MAPKAP1: variants seen among roughly 807,000 people sequenced by gnomAD.
MAPKAP1 encodes the protein target of rapamycin complex 2 subunit MAPKAP1.
Under a neutral mutation model 65.7 loss-of-function variants are expected in MAPKAP1, and 20 were observed. That is an observed-to-expected ratio of 0.30 (90% confidence interval 0.21 to 0.44). MAPKAP1 has a LOEUF of 0.44. Among genes scored for constraint, MAPKAP1 ranks in the 20% least tolerant of loss-of-function variants. The probability of loss-of-function intolerance (pLI) is 1.00; values close to 1 mark genes in which losing one functional copy is unlikely to be tolerated. For synonymous variants in MAPKAP1, 222 were observed against 244.3 expected, an observed-to-expected ratio of 0.91 and a Z score of 0.85; for missense variants, 423 against 648.0, an observed-to-expected ratio of 0.65 and a Z score of 3.77.
intron 7 of MAPKAP1, among the ~76,000 whole-genome samples, chr9:125,518,971 A>G (rs1829541673): frequency 6.6e-6 from 1 of 152,210 alleles, no homozygotes; most frequent in African/African-American, 2.4e-5. Flanking sequence ...TTCCTATCAC[A>G]TTTGGGTTTT....
Position 125,595,539 on chromosome 9 carries a change from A to G in MAPKAP1, c.499-9812T>C, listed in dbSNP as rs1832098678. 1 of 1,147,264 alleles carries G rather than the reference A, an allele frequency of 8.7e-7. No individual in the cohort carries two copies. The highest frequency in any genetic ancestry group is 1.1e-6 in the Non-Finnish European group (1 of 928,740). 71.1% of individuals were successfully genotyped at this position (1,147,264 alleles called of 1,614,324 possible). A position where few individuals can be genotyped will look rare whatever the true frequency, so the allele number is the denominator to read the frequency against. On this transcript the variant is annotated intron_variant, in intron 4 of 11. Transcript: ENST00000265960. This position sits in a 1 kb window ranked among gnomAD's most constrained non-coding sequence, Gnocchi z 4.0. ...TAGTTTCCAAAGTAGGAGAAGCAAT[A>G]AGAATACAGATGGGATTCAGTTCAA...
At chr9:125,453,621 C>T (rs2132949873) in intron 10 of MAPKAP1, among the ~76,000 whole-genome samples, 1 of 152,154 alleles carries the variant, frequency 6.6e-6, no homozygotes, top group Admixed American at 6.5e-5. Context: ...GAATATAAAC[C>T]TCATTAATAA....
Position 125,503,926 on chromosome 9 carries a change from G to A in MAPKAP1, c.1066+2384C>T, listed in dbSNP as rs548085709. Among the ~76,000 whole-genome samples, 160 of 122,646 alleles carry A rather than the reference G, an allele frequency of 1.3e-3. 1 individual carries two copies. The highest frequency in any genetic ancestry group is 0.01 in the Middle Eastern group (2 of 192). 80.5% of individuals were successfully genotyped at this position (122,646 alleles called of 152,430 possible). ...TTTTTTTTGTATTTTTGGTAGAGAC[G>A]GGGGTTTGCCATGTTGGCCAGGCTG... is the stretch of plus-strand genomic sequence containing the variant. On this transcript the variant is annotated intron_variant, in intron 8 of 11. Transcript: ENST00000265960.
intron 4 of MAPKAP1, among the ~76,000 whole-genome samples, chr9:125,642,716 T>G (rs915746397): frequency 2.0e-5 from 3 of 152,160 alleles, no homozygotes; most frequent in Admixed American, 6.5e-5. Flanking sequence ...ACGCTGCATT[T>G]TCTTTAATGT....
chr9:125,679,429 C>T (rs1330412155), intron 1 of MAPKAP1, among the ~76,000 whole-genome samples: 2 of 152,058 alleles, frequency 1.3e-5, no homozygotes, highest in South Asian at 4.2e-4. Context: ...CCCTTAGCTC[C>T]CCTCCACTAA....
rs139643101 is a variant in MAPKAP1 at position 125,484,456 on chromosome 9, G to C, written c.1194C>G (p.Thr398=). ...TCACACACTTACCTAGCTGTACGTC[G>C]GTTGTGAATCGCAGTCTGTGGATCA... is the stretch of plus-strand genomic sequence containing the variant. The part of the protein sequence containing the change: ...VSMIHRLRFT[T]DVQLGISGDK... Residue 398 remains threonine, a synonymous_variant, in exon 9 of 12, where the codon ACC becomes ACG. Coordinates refer to ENST00000265960, the MANE Select transcript of MAPKAP1 (RefSeq NM_001006617.3). 1 of 1,610,800 alleles carries C rather than the reference G, an allele frequency of 6.2e-7. No homozygotes were observed. Among genetic ancestry groups the C allele is most frequent in the African/African-American group, 1.3e-5 (1 of 74,994 alleles).
At chr9:125,625,255 T>TAAAAAAAAAAAAAAAAAAAAAAAAAA (rs58671780) in intron 4 of MAPKAP1, among the ~76,000 whole-genome samples, 17 of 64,652 alleles carry the variant, frequency 2.6e-4, no homozygotes, top group African/African-American at 7.7e-4. Context: ...AATAAATAAA[T>TAAAAAAAAAAAAAAAAAAAAAAAAAA]AAAAAAAAAA....
chr9:125,706,551 A>G (rs186183828), intron 1 of MAPKAP1, among the ~76,000 whole-genome samples: 1 of 152,228 alleles, frequency 6.6e-6, no homozygotes, highest in East Asian at 1.9e-4. Context: ...GCAGCACTGT[A>G]GCTAGAAAAA....
intron 5 of MAPKAP1, among the ~76,000 whole-genome samples, chr9:125,572,334 T>C (rs946960185): frequency 6.6e-6 from 1 of 152,200 alleles, no homozygotes; most frequent in Non-Finnish European, 1.5e-5. Flanking sequence ...TAACTAAGAT[T>C]CCTTCTATGG....
At chr9:125,523,236 C>A (rs887495814) in intron 7 of MAPKAP1, among the ~76,000 whole-genome samples, 3 of 152,154 alleles carry the variant, frequency 2.0e-5, no homozygotes, top group Non-Finnish European at 4.4e-5. Flanking sequence ...TGCTAGGTTC[C>A]CAGTGTGTCT....
chr9:125,599,638 C>T (rs1417464625), intron 4 of MAPKAP1, among the ~76,000 whole-genome samples: 2 of 137,262 alleles, frequency 1.5e-5, no homozygotes, highest in Admixed American at 1.6e-4. Context: ...GAGTCTTGCT[C>T]TGTTGCCCAG....
chr9:125,701,655 T>C (rs1219491174), intron 1 of MAPKAP1, among the ~76,000 whole-genome samples: 3 of 152,212 alleles, frequency 2.0e-5, no homozygotes, highest in Non-Finnish European at 2.9e-5. Context: ...ATACTACCTA[T>C]CTCATAGGAC....
At chr9:125,579,188 G>A (rs1032668861) in intron 5 of MAPKAP1, among the ~76,000 whole-genome samples, 2 of 152,206 alleles carry the variant, frequency 1.3e-5, no homozygotes, top group African/African-American at 4.8e-5. Flanking sequence ...GTTAACAGAC[G>A]TAAGTGTAAA....
intron 3 of MAPKAP1, among the ~76,000 whole-genome samples, chr9:125,658,794 G>C (rs1336192139): frequency 6.6e-6 from 1 of 152,208 alleles, no homozygotes; most frequent in East Asian, 1.9e-4. Context: ...TAGATGATAA[G>C]CGGCTATGAA....
rs1259395535 is a variant in MAPKAP1 at position 125,559,771 on chromosome 9, T to C, written c.710A>G (p.Asp237Gly). 1.2e-6 allele frequency: 2 copies of C among 1,613,608 alleles called. No individual in the cohort carries two copies. The highest frequency in any genetic ancestry group is 1.7e-5 in the Admixed American group (1 of 59,984). ...GAAATCGGTGTCCACCTCCCCATCA[T>C]CCTCAGCAATATGCAGGCAGTAGGC... Reference protein sequence around the residue: ...VSAYCLHIAEDDGEVDTDFPP... With the variant: ...VSAYCLHIAEGDGEVDTDFPP... The change falls in exon 6 of 12, where the codon GAT becomes GGT. Residue 237 changes from aspartate (D) to glycine (G), a missense_variant. By Grantham distance (94) the Asp-to-Gly change is moderately conservative (BLOSUM62 -1). Transcript: ENST00000265960.
chr9:125,585,148 A>G (rs958898267), intron 5 of MAPKAP1, among the ~76,000 whole-genome samples: 1 of 152,176 alleles, frequency 6.6e-6, no homozygotes, highest in African/African-American at 2.4e-5. Flanking sequence ...CCACCACTGC[A>G]GAATGAGGAT....
chr9:125,458,597 A>G (rs1482766204), intron 10 of MAPKAP1, among the ~76,000 whole-genome samples: 1 of 151,540 alleles, frequency 6.6e-6, no homozygotes, highest in African/African-American at 2.4e-5. Flanking sequence ...ACAAAATGAA[A>G]AGTCTCCCAT....
At chr9:125,671,464 T>C (rs1400891362) in intron 2 of MAPKAP1, among the ~76,000 whole-genome samples, 4 of 152,184 alleles carry the variant, frequency 2.6e-5, no homozygotes, top group Non-Finnish European at 2.9e-5. Flanking sequence ...TGCCATTACC[T>C]TTCCTGGGAG....
Position 125,514,656 on chromosome 9 carries a change from T to C in MAPKAP1, c.959-8239A>G, listed in dbSNP as rs1266706919. 1.3e-5 allele frequency among the ~76,000 whole-genome samples: 2 copies of C among 152,170 alleles called. 1 individual carries two copies. The highest frequency in any genetic ancestry group is 4.1e-4 in the South Asian group (2 of 4,828). ...CTGAGGCTGAGAAGCTTGGCCCAGA[T>C]TGTTGGTCAAGATTTGGATTTTCTC... is the stretch of plus-strand genomic sequence containing the variant. On this transcript the variant is annotated intron_variant, in intron 7 of 11. Transcript: ENST00000265960.
Sources: gnomAD v4.1 joint callset for allele counts (sites outside exome capture counted in the v4.1 genomes callset) on GRCh38, gnomAD v4.1.1 for gene constraint, Gnocchi (gnomAD v3.1) non-coding constraint, MANE v1.5 for transcripts, NCBI Gene and HGNC (gene_info 2026-07-23, HGNC 2026-07-21) for gene names.